TSNARE1: variants seen among roughly 807,000 people sequenced by gnomAD.
TSNARE1 encodes the protein t-SNARE domain containing 1, also known as t-SNARE domain-containing protein 1.
TSNARE1 carries 49 observed loss-of-function variants against 62.0 expected under a neutral mutation model. The observed-to-expected ratio is 0.79, with a 90% CI of 0.63 to 1.00. The LOEUF (loss-of-function observed/expected upper bound fraction) is 1.00, where lower values mean the gene tolerates loss of function less well. TSNARE1 is among the 50% of genes least tolerant of loss of function. The pLI is 0.00. For synonymous variants in TSNARE1, 328 were observed against 294.4 expected (o/e 1.11, Z -1.17); for missense variants, 755 against 700.1 (o/e 1.08, Z -0.88).
rs1817889328 is a variant in TSNARE1 at position 142,246,517 on chromosome 8, C to A, written c.1447-16938G>T. ...ACAACCCCAGCTTCATTCATTCATT[C>A]ATCCCTGGAGGAGGAGGCAGCCTGG... On this transcript the variant is annotated intron_variant, in intron 12 of 13. Transcript: ENST00000524325. 2.0e-5 allele frequency among the ~76,000 whole-genome samples: 3 copies of A among 152,132 alleles called. No homozygotes were observed. In the South Asian group the frequency reaches 6.2e-4, roughly 32 times the overall value.
chr8:142,364,086 G>A (rs1014557972), intron 1 of TSNARE1, among the ~76,000 whole-genome samples: 23 of 152,190 alleles, frequency 1.5e-4, no homozygotes, highest in African/African-American at 4.1e-4. Flanking sequence ...GGGACACAGC[G>A]GATCTAGAAT....
intron 4 of TSNARE1, among the ~76,000 whole-genome samples, chr8:142,333,212 A>G (rs1489904757): frequency 6.6e-6 from 1 of 152,154 alleles, no homozygotes; most frequent in Non-Finnish European, 1.5e-5. Context: ...TGTGCAGTTC[A>G]CTGTACATAA....
chr8:142,252,473 C>G (rs115047465), intron 12 of TSNARE1, among the ~76,000 whole-genome samples: 1 of 152,188 alleles, frequency 6.6e-6, no homozygotes, highest in African/African-American at 2.4e-5. Flanking sequence ...GTGGTGCTGC[C>G]GGCGACAGTG....
At chr8:142,403,243 C>G (rs1838442105), upstream of TSNARE1, 1 of 151,434 alleles carries the variant, frequency 6.6e-6, no homozygotes, top group Admixed American at 6.6e-5. Flanking sequence ...GGCCGCCGGT[C>G]CCGGACGCGC....
chr8:142,379,113 C>T (rs921963253), intron 1 of TSNARE1, among the ~76,000 whole-genome samples: 5 of 152,228 alleles, frequency 3.3e-5, no homozygotes, highest in Admixed American at 1.3e-4. Flanking sequence ...CAGCACGGAT[C>T]AGAGCAGCTC....
chr8:142,318,326 C>G (rs1308184831), intron 7 of TSNARE1, among the ~76,000 whole-genome samples: 1 of 152,234 alleles, frequency 6.6e-6, no homozygotes, highest in African/African-American at 2.4e-5. Flanking sequence ...GGTGGCCACA[C>G]CAGCTCCCGG....
intron 11 of TSNARE1, among the ~76,000 whole-genome samples, chr8:142,283,209 G>C (rs1197155869): frequency 6.6e-6 from 1 of 150,762 alleles, no homozygotes; most frequent in Non-Finnish European, 1.5e-5. Context: ...GTCTGTCTAA[G>C]GGCAAAAGCG....
intron 1 of TSNARE1, among the ~76,000 whole-genome samples, chr8:142,365,602 G>GCACACACACACA (rs1554674591): frequency 1.7e-4 from 24 of 144,508 alleles, no homozygotes; most frequent in Middle Eastern, 3.6e-3. Flanking sequence ...ACATGCACAC[G>GCACACACACACA]CACACACACA....
At chr8:142,381,874 G>A (rs780172779) in intron 1 of TSNARE1, among the ~76,000 whole-genome samples, 138 of 152,272 alleles carry the variant, frequency 9.1e-4, no homozygotes, top group Non-Finnish European at 1.2e-3. Flanking sequence ...CGCGGGTGCC[G>A]CAGCTCATCC....
chr8:142,363,658 G>T (rs1461567648), intron 1 of TSNARE1, among the ~76,000 whole-genome samples: 1 of 152,066 alleles, frequency 6.6e-6, no homozygotes, highest in Non-Finnish European at 1.5e-5. Context: ...ACCACGAACT[G>T]GTCCCCACAG....
chr8:142,316,496 T>G (rs1437949277), intron 7 of TSNARE1, among the ~76,000 whole-genome samples: 1 of 151,772 alleles, frequency 6.6e-6, no homozygotes, highest in Non-Finnish European at 1.5e-5. Context: ...CTTTTTTAAG[T>G]ACAAGTTTTA....
chr8:142,239,927 T>C (rs779089640), intron 12 of TSNARE1, among the ~76,000 whole-genome samples: 4 of 152,190 alleles, frequency 2.6e-5, no homozygotes, highest in Non-Finnish European at 5.9e-5. Flanking sequence ...GTAAAAAGTT[T>C]AAAACTCTAG....
In TSNARE1 at chr8:142,291,774, G is replaced by C. The variant is rs1823801194; in HGVS notation, c.1291-7289C>G. On this transcript the variant is annotated intron_variant, in intron 10 of 13. Transcript: ENST00000524325. The surrounding 1 kb of genome is among the most constrained non-coding windows in gnomAD (Gnocchi z 4.8). ...ACCCCTGGAGTCAGGGCCTGCCAGT[G>C]AAAGGGAGCCAGCGGCTCAGGCGTC... 6.6e-6 allele frequency among the ~76,000 whole-genome samples: 1 copy of C among 152,142 alleles called. No homozygotes were observed. The highest frequency in any genetic ancestry group is 2.4e-5 in the African/African-American group (1 of 41,434).
chr8:142,237,734 G>A (rs538457577), intron 12 of TSNARE1, among the ~76,000 whole-genome samples: 2 of 152,262 alleles, frequency 1.3e-5, no homozygotes, highest in Non-Finnish European at 2.9e-5. Flanking sequence ...GGAGTCATGC[G>A]GTCCCACCAG....
At chr8:142,312,803 A>C (rs1186277915) in intron 9 of TSNARE1, among the ~76,000 whole-genome samples, 3 of 152,206 alleles carry the variant, frequency 2.0e-5, no homozygotes, top group Admixed American at 6.5e-5. Context: ...TCTCCAGCCC[A>C]GTAAGACCAC....
intron 11 of TSNARE1, chr8:142,276,937 C>T (rs1042035369): frequency 2.4e-5 from 24 of 985,468 alleles, no homozygotes; most frequent in Admixed American, 6.1e-5. Context: ...CAGGTGGGCA[C>T]GCCATGTCCT....
At chr8:142,374,396 C>T (rs373347155) in intron 1 of TSNARE1, among the ~76,000 whole-genome samples, 10 of 151,798 alleles carry the variant, frequency 6.6e-5, no homozygotes, top group African/African-American at 1.9e-4. Context: ...GTGGGAAATG[C>T]GGCTGGGTGC....
At position 142,239,485 on chromosome 8, in the gene TSNARE1, G is replaced by A. The variant is rs116713433; in HGVS notation, c.1447-9906C>T. Among the ~76,000 whole-genome samples, 803 of 152,352 alleles carry A rather than the reference G, an allele frequency of 5.3e-3. 11 individuals are homozygous for A. Among genetic ancestry groups the A allele is most frequent in the African/African-American group, 0.019 (772 of 41,576 alleles). ...ATGTCTAACCTGAGACTTCATTTCA[G>A]TAGAATGACCTGGCAACATTTCAAG... is the stretch of plus-strand genomic sequence containing the variant. On this transcript the variant is annotated intron_variant, in intron 12 of 13. Transcript: ENST00000524325.
chr8:142,254,280 C>T (rs1181424765), intron 12 of TSNARE1, among the ~76,000 whole-genome samples: 1 of 152,200 alleles, frequency 6.6e-6, no homozygotes, highest in Non-Finnish European at 1.5e-5. Context: ...CCCAGTGCCC[C>T]GTGGGGCCAT....
Sources: allele counts gnomAD v4.1 joint callset (sites outside exome capture counted in the v4.1 genomes callset), GRCh38; gene constraint gnomAD v4.1.1; non-coding constraint Gnocchi (gnomAD v3.1); transcripts MANE v1.5; gene names NCBI Gene and HGNC (gene_info 2026-07-23, HGNC 2026-07-21).